KCNJ3: variants seen among roughly 807,000 people sequenced by gnomAD.
The protein encoded by KCNJ3 is potassium inwardly rectifying channel subfamily J member 3.
A neutral mutation model predicts 39.2 loss-of-function variants in KCNJ3; 4 were observed. The observed-to-expected ratio is 0.10, with a 90% CI of 0.05 to 0.23. KCNJ3 has a LOEUF of 0.23. KCNJ3 is among the 10% of genes least tolerant of loss of function. The pLI, the probability that KCNJ3 is intolerant of heterozygous loss-of-function variation, is 1.00. For missense variants in KCNJ3, 276 were observed against 634.9 expected (o/e 0.43, Z 6.08); for synonymous variants, 230 against 237.4 (o/e 0.97, Z 0.29).
At chr2:154,801,621 G>A (rs1275390763) in intron 2 of KCNJ3, among the ~76,000 whole-genome samples, 1 of 100,168 alleles carries the variant, frequency 1.0e-5, no homozygotes, top group Non-Finnish European at 2.2e-5. Context: ...CTTTTTTTTG[G>A]TTTGTTTTTG....
At chr2:154,745,508 T>A (rs1685725630) in intron 2 of KCNJ3, among the ~76,000 whole-genome samples, 1 of 152,050 alleles carries the variant, frequency 6.6e-6, no homozygotes, top group South Asian at 2.1e-4. Flanking sequence ...TTTCTGTTGT[T>A]GTGTTTTTCA....
Position 154,855,340 on chromosome 2 carries a change from A to ATGTT in KCNJ3, c.*30_*33dup. 6.9e-7 allele frequency: 1 copy of ATGTT among 1,447,720 alleles called. No homozygotes were observed. The highest frequency in any genetic ancestry group is 9.4e-7 in the Non-Finnish European group (1 of 1,065,772). The allele number at this position is 1,447,720 out of a possible 1,614,324, so 89.7% of individuals were successfully genotyped here. On this transcript the variant is annotated 3_prime_UTR_variant, in exon 3 of 3. Transcript: ENST00000295101. The stretch of plus-strand genomic sequence containing the variant: ...AAAGCACTCCCTTAGGCATTATTTA[A>ATGTT]TGTTTGATTTAGTAATAGTCCAATA...
At chr2:154,748,746 A>G (rs1685788950) in intron 2 of KCNJ3, among the ~76,000 whole-genome samples, 1 of 152,140 alleles carries the variant, frequency 6.6e-6, no homozygotes, top group South Asian at 2.1e-4. Context: ...ATAAAATTCA[A>G]ATGTTTCTTT....
intron 2 of KCNJ3, among the ~76,000 whole-genome samples, chr2:154,839,887 G>A (rs1687545080): frequency 6.6e-6 from 1 of 152,042 alleles, no homozygotes; most frequent in Non-Finnish European, 1.5e-5. Context: ...TCTGTAGGTT[G>A]CCTGTTCACT....
chr2:154,853,476 G>A (rs1400840727), intron 2 of KCNJ3, among the ~76,000 whole-genome samples: 1 of 151,938 alleles, frequency 6.6e-6, no homozygotes, highest in Admixed American at 6.6e-5. Flanking sequence ...ATAATGGATG[G>A]GGGAGAATTG....
chr2:154,843,057 T>A (rs539095361), intron 2 of KCNJ3, among the ~76,000 whole-genome samples: 6 of 152,324 alleles, frequency 3.9e-5, no homozygotes, highest in Non-Finnish European at 7.3e-5. Flanking sequence ...ATTTACATGT[T>A]TTTGCAGTGG....
intron 2 of KCNJ3, among the ~76,000 whole-genome samples, chr2:154,850,008 CTTTTTTTTTTTTTTTTTTTTTTTT>C (rs373062062): frequency 6.1e-5 from 3 of 48,838 alleles, no homozygotes; most frequent in Non-Finnish European, 1.1e-4. Context: ...CAGAATAAAT[CTTTTTTTTTTTTTTTTTTTTTTTT>C]TTTTTTTTTT....
chr2:154,764,781 CGTCATGGGCT>C (rs5835539), intron 2 of KCNJ3, among the ~76,000 whole-genome samples: 5,081 of 152,204 alleles, frequency 0.033, 204 homozygotes, highest in East Asian at 0.22. Flanking sequence ...CATTCAAAGC[CGTCATGGGCT>C]GCATGCAGCC....
chr2:154,778,113 T>C (rs1686371298), intron 2 of KCNJ3, among the ~76,000 whole-genome samples: 2 of 152,176 alleles, frequency 1.3e-5, no homozygotes, highest in Admixed American at 1.3e-4. Flanking sequence ...TGTTGCCTTC[T>C]AAATCTTTAT....
intron 2 of KCNJ3, among the ~76,000 whole-genome samples, chr2:154,768,771 C>T (rs535000336): frequency 6.6e-6 from 1 of 152,106 alleles, no homozygotes; most frequent in Admixed American, 6.6e-5. Flanking sequence ...TATAAATTAC[C>T]TCAGGAACTA....
At chr2:154,781,773 A>G (rs1231245009) in intron 2 of KCNJ3, among the ~76,000 whole-genome samples, 1 of 152,204 alleles carries the variant, frequency 6.6e-6, no homozygotes, top group East Asian at 1.9e-4. Flanking sequence ...AGGTACGTGT[A>G]ATGAATATAG....
chr2:154,791,250 A>G (rs918620084), intron 2 of KCNJ3, among the ~76,000 whole-genome samples: 3 of 145,406 alleles, frequency 2.1e-5, no homozygotes, highest in African/African-American at 8.1e-5. Flanking sequence ...TTAAACTGCT[A>G]AAGCATATGC....
At chr2:154,784,972 A>C (rs548206288) in intron 2 of KCNJ3, among the ~76,000 whole-genome samples, 1 of 152,318 alleles carries the variant, frequency 6.6e-6, no homozygotes, top group Admixed American at 6.5e-5. Flanking sequence ...GTGCTCAATA[A>C]AAGTGAGATT....
At chr2:154,734,485 G>A (rs1216918135) in intron 2 of KCNJ3, among the ~76,000 whole-genome samples, 1 of 152,138 alleles carries the variant, frequency 6.6e-6, no homozygotes, top group Non-Finnish European at 1.5e-5. Flanking sequence ...AATTAAGTGT[G>A]AGCCACCTCA....
At chr2:154,832,219 T>A (rs1178196459) in intron 2 of KCNJ3, among the ~76,000 whole-genome samples, 1 of 152,014 alleles carries the variant, frequency 6.6e-6, no homozygotes, top group Non-Finnish European at 1.5e-5. Flanking sequence ...ATTTGAAGGG[T>A]TCAAGTGTCC....
chr2:154,701,273 G>A (rs1684892016), intron 1 of KCNJ3, among the ~76,000 whole-genome samples: 1 of 152,078 alleles, frequency 6.6e-6, no homozygotes, highest in Admixed American at 6.5e-5. Flanking sequence ...TTACTGAAGA[G>A]TAGTTTACAA....
In KCNJ3 at chr2:154,708,412, A is replaced by C. The variant is rs540427382; in HGVS notation, c.703-1191A>C. On this transcript the variant is annotated intron_variant, in intron 1 of 2. Coordinates refer to ENST00000295101, the MANE Select transcript of KCNJ3 (RefSeq NM_002239.4). ...AATGTATTTTTTTTGGAACTCTGAG[A>C]GTAAGAATTTTGTCTTCAAACTATC... Among the ~76,000 whole-genome samples the C allele has an allele frequency of 2.4e-3, 373 of 152,270 alleles. 2 individuals are homozygous for C. The highest frequency in any genetic ancestry group is 3.4e-3 in the Non-Finnish European group (234 of 68,010).
At chr2:154,827,154 T>A (rs1286262376) in intron 2 of KCNJ3, among the ~76,000 whole-genome samples, 2 of 152,162 alleles carry the variant, frequency 1.3e-5, no homozygotes, top group African/African-American at 2.4e-5. Flanking sequence ...TTGCTTGAAT[T>A]TTTTTCCATT....
intron 2 of KCNJ3, among the ~76,000 whole-genome samples, chr2:154,767,194 T>C (rs186399083): frequency 6.7e-6 from 1 of 149,052 alleles, no homozygotes; most frequent in East Asian, 2.1e-4. Flanking sequence ...ACCTTTTTTT[T>C]TAAAATTATA....
Sources: gnomAD v4.1 joint callset for allele counts (sites outside exome capture counted in the v4.1 genomes callset) on GRCh38, gnomAD v4.1.1 for gene constraint, MANE v1.5 for transcripts, NCBI Gene and HGNC (gene_info 2026-07-23, HGNC 2026-07-21) for gene names.